The following ETF1 variants were observed in gnomAD, a reference collection of about 807,000 sequenced individuals.
ETF1 encodes the protein eukaryotic translation termination factor 1, also known as eukaryotic peptide chain release factor subunit 1.
In ETF1, 4 loss-of-function variants were observed where a neutral mutation model predicts 55.1. The observed-to-expected ratio is 0.07, with a 90% CI of 0.04 to 0.17. ETF1 has a LOEUF of 0.17. Ranked by LOEUF, ETF1 falls within the 10% of genes least tolerant of loss-of-function variation. The pLI is 1.00. For synonymous variants in ETF1, 157 were observed against 182.3 expected (o/e 0.86, Z 1.12); for missense variants, 142 against 523.6 (o/e 0.27, Z 7.11).
intron 2 of ETF1, chr5:138,529,665 C>G (rs1447748878): frequency 1.0e-6 from 1 of 985,082 alleles, no homozygotes; most frequent in Non-Finnish European, 1.2e-6. Flanking sequence ...ATGCTTCGCC[C>G]AGAGGGTTAA....
chr5:138,529,324 C>G (rs768365313), intron 2 of ETF1, among the ~76,000 whole-genome samples: 3 of 152,188 alleles, frequency 2.0e-5, no homozygotes, highest in African/African-American at 4.8e-5. Flanking sequence ...CTGAATACTT[C>G]CATGTCTTTT....
chr5:138,541,526 T>C (rs192386646), intron 2 of ETF1: 20 of 1,533,292 alleles, frequency 1.3e-5, no homozygotes, highest in Admixed American at 5.9e-5. Flanking sequence ...AACCTGTGAA[T>C]TGGGCCTTCA....
At position 138,506,715 on chromosome 5, in the gene ETF1, T is replaced by G. The variant is rs1392899610; in HGVS notation, c.*1590A>C. The G allele has an allele frequency of 6.6e-6, 1 of 152,648 alleles. No homozygotes were observed. Among genetic ancestry groups the G allele is most frequent in the Non-Finnish European group, 1.5e-5 (1 of 68,038 alleles). The allele number at this position is 152,648 out of a possible 1,614,324, so 9.5% of individuals were successfully genotyped here. ...CAGTGTGAGAACCAGAAACTTTACA[T>G]TTAAGACATACTCCCTTCATTCAAG... On this transcript the variant is annotated 3_prime_UTR_variant, in exon 11 of 11. Transcript: ENST00000360541.
At chr5:138,512,287 T>TTGGTGGACCTTCTA (rs1764853593) in intron 6 of ETF1, among the ~76,000 whole-genome samples, 1 of 126,908 alleles carries the variant, frequency 7.9e-6, no homozygotes, top group Non-Finnish European at 1.6e-5. Context: ...GGCAATTTCT[T>TTGGTGGACCTTCTA]TGGTGGACCT....
intron 2 of ETF1, among the ~76,000 whole-genome samples, chr5:138,524,907 T>C (rs1298865291): frequency 1.3e-5 from 2 of 151,752 alleles, no homozygotes; most frequent in Admixed American, 6.6e-5. Context: ...TCTTCCTTCC[T>C]TTCCCTTTTT....
Position 138,512,778 on chromosome 5 carries a change from C to A in ETF1, c.718G>T (p.Asp240Tyr). The change falls in exon 6 of 11, where the codon GAT (aspartate) becomes TAT (tyrosine). Residue 240 changes from aspartate to tyrosine, a missense_variant. Physicochemically the swap from Asp to Tyr is radical, Grantham distance 160. Transcript: ENST00000360541. ...TTCTTACTTACCTGATCAAACATAT[C>A]AGATTGACTTAGTTCAGTTTTAAAG... ...ADFKTELSQSDMFDQRLQSKV... is the reference protein window; with the variant it reads ...ADFKTELSQSYMFDQRLQSKV... The A allele has an allele frequency of 6.3e-7, 1 of 1,589,574 alleles. No homozygotes were observed. Among genetic ancestry groups the A allele is most frequent in the African/African-American group, 1.4e-5 (1 of 73,272 alleles).
chr5:138,524,081 G>C (rs1018304367), intron 2 of ETF1, among the ~76,000 whole-genome samples: 1 of 152,168 alleles, frequency 6.6e-6, no homozygotes, highest in African/African-American at 2.4e-5. Context: ...AGCTACTCTG[G>C]AGGCTGAGGC....
In ETF1 at chr5:138,512,225, AATATAT is replaced by A. The variant is rs71867448; in HGVS notation, c.732+533_732+538del. 6.8e-5 allele frequency among the ~76,000 whole-genome samples: 3 copies of A among 44,124 alleles called. 1 individual carries two copies. The highest frequency in any genetic ancestry group is 1.3e-4 in the African/African-American group (1 of 7,732). The allele number at this position is 44,124 out of a possible 152,430, so 28.9% of individuals were successfully genotyped here. On this transcript the variant is annotated intron_variant, in intron 6 of 10. Transcript: ENST00000360541. ...AAAAAAAAAAAAAAAAAAAAAAAAA[AATATAT>A]ATATATATATATATATATATATATA...
At chr5:138,524,933 T>C (rs1464807784) in intron 2 of ETF1, among the ~76,000 whole-genome samples, 2 of 151,886 alleles carry the variant, frequency 1.3e-5, no homozygotes, top group Non-Finnish European at 2.9e-5. Context: ...TTTTTTACAT[T>C]TTTGGAAGTT....
intron 10 of ETF1, 118 bp from the exon 11 acceptor site, chr5:138,508,505 GGT>G: frequency 1.3e-6 from 2 of 1,561,180 alleles, no homozygotes; most frequent in Non-Finnish European, 1.7e-6. Context: ...AAAGCAAAGA[GGT>G]AATAATAAAC....
chr5:138,527,551 T>A (rs1765525678), intron 2 of ETF1, among the ~76,000 whole-genome samples: 1 of 152,204 alleles, frequency 6.6e-6, no homozygotes, highest in Non-Finnish European at 1.5e-5. Flanking sequence ...GAAAAGATAC[T>A]TGCTTTGGAA....
chr5:138,520,247 T>C (rs984500038), intron 2 of ETF1, among the ~76,000 whole-genome samples: 10 of 149,182 alleles, frequency 6.7e-5, no homozygotes, highest in Non-Finnish European at 1.3e-4. Flanking sequence ...CAGTCAGAGA[T>C]GACAAAGGTG....
At chr5:138,522,429 G>A (rs1334212778) in intron 2 of ETF1, among the ~76,000 whole-genome samples, 1 of 152,072 alleles carries the variant, frequency 6.6e-6, no homozygotes, top group Non-Finnish European at 1.5e-5. Flanking sequence ...AATACTTCCA[G>A]AAAACAGTCT....
intron 2 of ETF1, among the ~76,000 whole-genome samples, chr5:138,536,464 T>C (rs1223371462): frequency 6.6e-6 from 1 of 152,192 alleles, no homozygotes. Flanking sequence ...CTGAGGACAG[T>C]ACCCAGTGAG....
At chr5:138,511,719 T>C in intron 6 of ETF1, 115 bp from the exon 7 acceptor site, 1 of 1,403,018 alleles carries the variant, frequency 7.1e-7, no homozygotes, top group Non-Finnish European at 9.3e-7. Flanking sequence ...AGCATTATGA[T>C]CACTGAAGTC....
At chr5:138,538,573 CTTCT>C (rs1306485646) in intron 2 of ETF1, among the ~76,000 whole-genome samples, 2 of 151,956 alleles carry the variant, frequency 1.3e-5, no homozygotes, top group African/African-American at 2.4e-5. Flanking sequence ...CAAAAAAAGT[CTTCT>C]TTATGAGCCT....
In ETF1 at chr5:138,512,746, C is replaced by A. The variant is rs753462273; in HGVS notation, c.732+18G>T. The A allele has an allele frequency of 2.7e-5, 43 of 1,563,736 alleles. No homozygotes were observed. The highest frequency in any genetic ancestry group is 3.7e-5 in the Non-Finnish European group (43 of 1,163,092). On this transcript the variant is annotated intron_variant, in intron 6 of 10. Coordinates refer to ENST00000360541, the MANE Select transcript of ETF1 (RefSeq NM_004730.4). ...CTACCTAGGGTCTTACATAATAAAG[C>A]ATCTACTTCTTACTTACCTGATCAA...
chr5:138,531,630 CCCCAAGAAGCTTTCAT>C (rs1163463020), intron 2 of ETF1, among the ~76,000 whole-genome samples: 1 of 152,196 alleles, frequency 6.6e-6, no homozygotes, highest in African/African-American at 2.4e-5. Flanking sequence ...AGTACATGCT[CCCCAAGAAGCTTTCAT>C]CCCAGGGTTT....
chr5:138,518,219 A>G (rs2127082923), intron 3 of ETF1, among the ~76,000 whole-genome samples: 1 of 151,284 alleles, frequency 6.6e-6, no homozygotes, highest in African/African-American at 2.4e-5. Flanking sequence ...AAAAAAAAAA[A>G]AAAAAAATTG....
Sources: allele counts gnomAD v4.1 joint callset (sites outside exome capture counted in the v4.1 genomes callset), GRCh38; gene constraint gnomAD v4.1.1; transcripts MANE v1.5; gene names NCBI Gene and HGNC (gene_info 2026-07-23, HGNC 2026-07-21).